DNAH5: variants seen among roughly 807,000 people sequenced by gnomAD.
The protein encoded by DNAH5 is dynein axonemal heavy chain 5.
In DNAH5, 372 loss-of-function variants were observed where a neutral mutation model predicts 518.2. The observed-to-expected ratio is 0.72, with a 90% confidence interval of 0.66 to 0.78. The LOEUF (loss-of-function observed/expected upper bound fraction) is 0.78. Ranked by LOEUF, DNAH5 falls within the 30% of genes least tolerant of loss-of-function variation. The pLI is 0.00. For synonymous variants in DNAH5, 2,039 were observed against 2,025.9 expected (o/e 1.01, Z -0.17); for missense variants, 5,523 against 5,687.0 (o/e 0.97, Z 0.93).
chr5:13,852,908 G>A (rs1248926416), intron 30 of DNAH5, among the ~76,000 whole-genome samples: 2 of 152,234 alleles, frequency 1.3e-5, no homozygotes, highest in African/African-American at 4.8e-5. Context: ...CCCTGGGACA[G>A]AGCGCCTGGG....
intron 31 of DNAH5, among the ~76,000 whole-genome samples, chr5:13,847,526 C>G (rs1314791209): frequency 2.0e-5 from 3 of 151,752 alleles, no homozygotes; most frequent in African/African-American, 4.8e-5. Flanking sequence ...TTGAGACCAG[C>G]CTGGCCACCA....
chr5:13,726,273 G>A (rs1051278178), intron 70 of DNAH5, among the ~76,000 whole-genome samples: 1 of 152,190 alleles, frequency 6.6e-6, no homozygotes, highest in Non-Finnish European at 1.5e-5. Context: ...TAAGGGCCAT[G>A]GGCAGATACT....
intron 52 of DNAH5, 48 bp from the exon 53 acceptor site, chr5:13,781,007 T>C: frequency 1.2e-6 from 2 of 1,602,112 alleles, no homozygotes; most frequent in Non-Finnish European, 1.7e-6. Context: ...ATGTAAATGT[T>C]CTATTTTTCC....
At chr5:13,985,430 A>AATATATATATAT (rs145568740) in intron 1 of DNAH5, among the ~76,000 whole-genome samples, 1,373 of 126,958 alleles carry the variant, frequency 0.011, 21 homozygotes, top group Middle Eastern at 0.018. Flanking sequence ...AGTATAATAA[A>AATATATATATAT]ATATATATAT....
At chr5:13,695,766 T>TGG (rs1741288168) in intron 78 of DNAH5, among the ~76,000 whole-genome samples, 1 of 152,184 alleles carries the variant, frequency 6.6e-6, no homozygotes, top group Non-Finnish European at 1.5e-5. Flanking sequence ...AGAAGGTGCC[T>TGG]AAGATAGAGA....
chr5:13,758,742 A>G lies in DNAH5; in HGVS notation c.10419+104T>C, dbSNP rs567938112. ...CCTTGGTGTCCATTATGTGCTATGT[A>G]TGTATTATGTATAAATTCAGTGAAA... On this transcript the variant is annotated intron_variant, in intron 61 of 78. Coordinates refer to ENST00000265104, the MANE Select transcript of DNAH5 (RefSeq NM_001369.3). The G allele has an allele frequency of 1.4e-4, 204 of 1,506,666 alleles. 4 individuals carry two copies. In the South Asian group the frequency reaches 2.2e-3, roughly 16 times the overall value. 93.3% of individuals were successfully genotyped at this position (1,506,666 alleles called of 1,614,324 possible).
At position 13,919,328 on chromosome 5, in the gene DNAH5, G is replaced by C. The variant is rs1228460565; in HGVS notation, c.823C>G (p.Leu275Val). ...EQVLAENNQLLKEADDVGPRA... is the reference protein window; with the variant it reads ...EQVLAENNQLVKEADDVGPRA... ...GGCCCAACGTCATCCGCTTCCTTCA[G>C]CAGCTGATTGTTTTCAGCAAGAACC... Residue 275 changes from leucine to valine, a missense_variant, in exon 7 of 79, where the codon CTG (leucine) becomes GTG (valine). By Grantham distance (32) the Leu-to-Val change is conservative. This residue lies in a region of DNAH5 where 5,121 missense variants were observed against 5,223.3 expected (regional missense o/e 0.98). Coordinates refer to ENST00000265104, the MANE Select transcript of DNAH5 (RefSeq NM_001369.3). 1.2e-6 allele frequency: 2 copies of C among 1,613,928 alleles called. No homozygotes were observed. The highest frequency in any genetic ancestry group is 1.7e-6 in the Non-Finnish European group (2 of 1,179,982).
chr5:13,995,199 C>T (rs1336694748), intron 1 of DNAH5, among the ~76,000 whole-genome samples: 2 of 152,146 alleles, frequency 1.3e-5, no homozygotes, highest in African/African-American at 4.8e-5. Flanking sequence ...GAACTAATGC[C>T]CTATTTTCAG....
At chr5:13,889,021 C>T (rs1433440539) in intron 17 of DNAH5, among the ~76,000 whole-genome samples, 2 of 151,976 alleles carry the variant, frequency 1.3e-5, no homozygotes, top group African/African-American at 2.4e-5. Flanking sequence ...TATTTTGTGA[C>T]GAAATGTTAA....
intron 76 of DNAH5, among the ~76,000 whole-genome samples, chr5:13,706,072 C>A (rs956556138): frequency 1.3e-5 from 2 of 152,232 alleles, no homozygotes; most frequent in African/African-American, 4.8e-5. Context: ...AATCCTACCA[C>A]ACCTGCCACT....
At chr5:13,778,592 A>AAGAAAGAAAGAAAGAAAGAGAGAG (rs1561234707) in intron 53 of DNAH5, among the ~76,000 whole-genome samples, 2 of 51,570 alleles carry the variant, frequency 3.9e-5, no homozygotes, top group South Asian at 1.3e-3. Flanking sequence ...GAAAGAAAGA[A>AAGAAAGAAAGAAAGAAAGAGAGAG]AGAAAGAGAG....
rs764288193 is a variant in DNAH5 at position 13,793,565 on chromosome 5, G to C, written c.8174C>G (p.Ser2725Cys). 29 of 1,614,066 alleles carry C rather than the reference G, an allele frequency of 1.8e-5. No homozygotes were observed. The South Asian group carries it at 3.0e-4, about 16-fold the overall frequency. ...DIPQRLKRQF[S>C]IFNCTLPSEA... is the part of the protein sequence containing the mutation. ...AGAGGGCAACGTGCAATTAAATATA[G>C]AGAACTGCCTCTTGAGTCTTTGGGG... The change falls in exon 49 of 79, where the codon TCT (serine) becomes TGT (cysteine). Residue 2725 changes from serine to cysteine, a missense_variant. By Grantham distance (112) the Ser-to-Cys change is moderately radical. Transcript: ENST00000265104.
At chr5:13,928,626 C>T (rs755711444) in intron 2 of DNAH5, among the ~76,000 whole-genome samples, 4 of 152,192 alleles carry the variant, frequency 2.6e-5, no homozygotes, top group Non-Finnish European at 5.9e-5. Context: ...TGACTATGAA[C>T]ACACCTTCCA....
intron 72 of DNAH5, among the ~76,000 whole-genome samples, chr5:13,718,028 T>A (rs1744539126): frequency 6.6e-6 from 1 of 152,110 alleles, no homozygotes; most frequent in African/African-American, 2.4e-5. Context: ...TTTATTTATT[T>A]ATTTTTTACT....
chr5:13,796,401 C>A (rs1413676493), intron 47 of DNAH5, among the ~76,000 whole-genome samples: 1 of 152,100 alleles, frequency 6.6e-6, no homozygotes, highest in African/African-American at 2.4e-5. Context: ...TCCTATACAC[C>A]ATTAACAGAC....
At position 13,714,517 on chromosome 5, in the gene DNAH5, C is replaced by T; in HGVS notation, c.13013G>A (p.Gly4338Asp). The change falls in exon 75 of 79, where the codon GGC (glycine) becomes GAC (aspartate). Residue 4338 changes from glycine (G) to aspartate (D), a missense_variant. Physicochemically the swap from Gly to Asp is moderately conservative, Grantham distance 94. Coordinates refer to ENST00000265104, the MANE Select transcript of DNAH5 (RefSeq NM_001369.3). ...LAKDVLDTIL[G>D]IQPKDTSGGG... Reference sequence around the variant, plus strand: ...ACCAGAGGTGTCCTTGGGTTGGATGCCTAGGATGGTGTCCAGCACGTCCTT... The same window carrying T: ...ACCAGAGGTGTCCTTGGGTTGGATGTCTAGGATGGTGTCCAGCACGTCCTT... 6.2e-7 allele frequency: 1 copy of T among 1,614,134 alleles called. No individual in the cohort carries two copies.
intron 1 of DNAH5, among the ~76,000 whole-genome samples, chr5:13,974,240 A>C (rs1372827082): frequency 6.6e-6 from 1 of 151,288 alleles, no homozygotes; most frequent in African/African-American, 2.4e-5. Flanking sequence ...GGCTCAAGCA[A>C]TCCTCCCATC....
rs544944883 is a variant in DNAH5 at position 13,765,004 on chromosome 5, C to T, written c.10101+972G>A. On this transcript the variant is annotated intron_variant, in intron 59 of 78. Coordinates refer to ENST00000265104, the MANE Select transcript of DNAH5 (RefSeq NM_001369.3). Reference sequence around the variant, plus strand: ...GATTATAGTCAAAGCTCATAACTTGCTAATTCTTAGACTAAATTTGACTAC... The same window carrying T: ...GATTATAGTCAAAGCTCATAACTTGTTAATTCTTAGACTAAATTTGACTAC... 3.3e-5 allele frequency among the ~76,000 whole-genome samples: 5 copies of T among 152,272 alleles called. No homozygotes were observed. In the South Asian group the frequency reaches 1.0e-3, roughly 32 times the overall value.
rs1302098630 is a variant in DNAH5 at position 13,757,293 on chromosome 5, A to G, written c.10419+1553T>C. On this transcript the variant is annotated intron_variant, in intron 61 of 78. Transcript: ENST00000265104. ...GAGGAATTGCCACACTATCTACCAGAATGGTTGAACTAACTTACACTCTGA... is the reference window on the plus strand; with the variant it reads ...GAGGAATTGCCACACTATCTACCAGGATGGTTGAACTAACTTACACTCTGA... Among the ~76,000 whole-genome samples the G allele has an allele frequency of 2.6e-5, 4 of 152,312 alleles. No individual in the cohort carries two copies. The East Asian group carries it at 7.7e-4, about 29-fold the overall frequency.
Sources: allele counts gnomAD v4.1 joint callset (sites outside exome capture counted in the v4.1 genomes callset), GRCh38; gene constraint gnomAD v4.1.1; regional missense constraint gnomAD v4.1.1; transcripts MANE v1.5; gene names NCBI Gene and HGNC (gene_info 2026-07-23, HGNC 2026-07-21).